Variants in NUMB observed in about 807,000 individuals in gnomAD.
NUMB encodes NUMB endocytic adaptor protein, also known as protein numb homolog.
Under a neutral mutation model 59.7 loss-of-function variants are expected in NUMB, and 29 were observed. That is an observed-to-expected ratio of 0.49 (90% CI 0.36 to 0.66). NUMB has a LOEUF of 0.66. Among genes scored for constraint, NUMB ranks in the 30% least tolerant of loss-of-function variants. The pLI is 0.00. For synonymous variants in NUMB, 288 were observed against 288.2 expected (o/e 1.00, Z 0.01); for missense variants, 723 against 822.0 (o/e 0.88, Z 1.47).
At chr14:73,387,590 A>G (rs558148233) in intron 2 of NUMB, among the ~76,000 whole-genome samples, 4 of 152,078 alleles carry the variant, frequency 2.6e-5, no homozygotes, top group Non-Finnish European at 5.9e-5. Flanking sequence ...AGGCCTCCCC[A>G]GCCATGCTAA....
At chr14:73,294,845 G>C (rs1246954998) in intron 7 of NUMB, among the ~76,000 whole-genome samples, 1 of 146,640 alleles carries the variant, frequency 6.8e-6, no homozygotes, top group African/African-American at 2.5e-5. Context: ...AGTGGCTACT[G>C]TTGCCTCAAA....
At chr14:73,372,343 T>TTATATATATATATATA (rs60502086) in intron 2 of NUMB, among the ~76,000 whole-genome samples, 3 of 100,778 alleles carry the variant, frequency 3.0e-5, no homozygotes, top group South Asian at 2.9e-4. Context: ...ATATAACCTT[T>TTATATATATATATATA]TATATATATA....
At chr14:73,423,637 T>C (rs1897452417) in intron 1 of NUMB, among the ~76,000 whole-genome samples, 1 of 147,202 alleles carries the variant, frequency 6.8e-6, no homozygotes, top group Non-Finnish European at 1.5e-5. Context: ...CAAGATTCTG[T>C]CTCAAAAAAG....
At position 73,374,918 on chromosome 14, in the gene NUMB, A is replaced by C. The variant is rs1028653671; in HGVS notation, c.-100-7937T>G. On this transcript the variant is annotated intron_variant, in intron 2 of 12. Coordinates refer to ENST00000555238, the MANE Select transcript of NUMB (RefSeq NM_001005743.2). ...GCATTTTTAGTAGCGATGATGTTTC[A>C]CCATGTTGGCCAGGCTGGTCTCGAA... 4.0e-5 allele frequency among the ~76,000 whole-genome samples: 6 copies of C among 151,792 alleles called. No individual in the cohort carries two copies. In the South Asian group the frequency reaches 1.2e-3, roughly 32 times the overall value.
chr14:73,293,684 C>T (rs746296507), intron 7 of NUMB, among the ~76,000 whole-genome samples: 8 of 152,206 alleles, frequency 5.3e-5, no homozygotes, highest in Non-Finnish European at 1.2e-4. Context: ...AGCCACCGTG[C>T]CCAGCCATTT....
intron 1 of NUMB, among the ~76,000 whole-genome samples, chr14:73,444,644 G>A (rs1883329915): frequency 2.0e-5 from 3 of 151,812 alleles, no homozygotes; most frequent in South Asian, 4.2e-4. Context: ...TAGATCACAA[G>A]GTCAAGAGAT....
chr14:73,288,283 T>C (rs1412339818), intron 8 of NUMB, among the ~76,000 whole-genome samples: 1 of 152,220 alleles, frequency 6.6e-6, no homozygotes, highest in African/African-American at 2.4e-5. Context: ...CCAGGTGCGA[T>C]GGCTCACACC....
intron 6 of NUMB, among the ~76,000 whole-genome samples, chr14:73,304,476 C>A (rs576853295): frequency 1.2e-4 from 18 of 151,952 alleles, no homozygotes; most frequent in Non-Finnish European, 2.1e-4. Context: ...CCACACCTGG[C>A]TACTTTTTTA....
chr14:73,316,395 C>T lies in NUMB; in HGVS notation c.229G>A (p.Gly77Arg), dbSNP rs1247709989. 1 of 1,613,432 alleles carries T rather than the reference C, an allele frequency of 6.2e-7. No individual in the cohort carries two copies. Among genetic ancestry groups the T allele is most frequent in the African/African-American group, 1.3e-5 (1 of 74,888 alleles). Residue 77 changes from glycine to arginine, a missense_variant, in exon 6 of 13, where the codon GGA becomes AGA. Gly to Arg is a moderately radical substitution (Grantham distance 125). This residue lies in a region of NUMB where 317 missense variants were observed against 436.6 expected (regional missense o/e 0.73). Coordinates refer to ENST00000555238, the MANE Select transcript of NUMB (RefSeq NM_001005743.2). Reference protein sequence around the residue: ...AERKFFKGFFGKTGKKAVKAV... With the variant: ...AERKFFKGFFRKTGKKAVKAV... ...GAATGTGGCATCAAACTTACTTTTC[C>T]AAAGAAGCCTTTGAAGAACTTCCTT...
intron 1 of NUMB, among the ~76,000 whole-genome samples, chr14:73,450,044 T>C (rs953709436): frequency 1.3e-4 from 20 of 152,190 alleles, no homozygotes; most frequent in African/African-American, 4.8e-4. Flanking sequence ...GCCACAATGC[T>C]TACAATAACA....
At chr14:73,445,354 CAAAAAAAAAAAAAAAAAAAAAAAAAAAA>C (rs752154048) in intron 1 of NUMB, among the ~76,000 whole-genome samples, 4 of 57,562 alleles carry the variant, frequency 6.9e-5, no homozygotes, top group African/African-American at 2.4e-4. Context: ...GACCCTGTCT[CAAAAAAAAAAAAAAAAAAAAAAAAAAAA>C]AAAAAAAAAA....
intron 1 of NUMB, among the ~76,000 whole-genome samples, chr14:73,413,186 A>C (rs1014452817): frequency 6.6e-6 from 1 of 151,362 alleles, no homozygotes; most frequent in Non-Finnish European, 1.5e-5. Context: ...CCCTGGGTTA[A>C]AGCAATTCTC....
chr14:73,346,985 A>C (rs1159123426), intron 4 of NUMB, among the ~76,000 whole-genome samples: 1 of 152,212 alleles, frequency 6.6e-6, no homozygotes, highest in African/African-American at 2.4e-5. Context: ...AGGAAATCAC[A>C]GGTGATTTAT....
intron 1 of NUMB, among the ~76,000 whole-genome samples, chr14:73,443,761 C>T (rs1251362931): frequency 1.3e-5 from 2 of 152,068 alleles, no homozygotes; most frequent in African/African-American, 4.8e-5. Flanking sequence ...AGCAATTCTC[C>T]AGCCACAGCC....
At chr14:73,357,765 A>G (rs1024616084) in intron 3 of NUMB, among the ~76,000 whole-genome samples, 1 of 152,150 alleles carries the variant, frequency 6.6e-6, no homozygotes, top group Admixed American at 6.5e-5. Flanking sequence ...TGTCTCAAAA[A>G]GAAATTAAGT....
At chr14:73,453,278 A>G (rs571148564) in intron 1 of NUMB, among the ~76,000 whole-genome samples, 103 of 150,946 alleles carry the variant, frequency 6.8e-4, no homozygotes, top group Middle Eastern at 6.9e-3. Flanking sequence ...GATTACAGGT[A>G]TGTGCCACCA....
Position 73,279,298 on chromosome 14 carries a change from A to G in NUMB, c.1223T>C (p.Ile408Thr), listed in dbSNP as rs768021769. Reference protein sequence around the residue: ...AHAPDAANKEIAATCSGTEWG... With the variant: ...AHAPDAANKETAATCSGTEWG... ...CACCTTACCCGAACATGTGGCTGCAATTTCCTTGTTAGCAGCATCAGGGGC... is the reference window on the plus strand; with the variant it reads ...CACCTTACCCGAACATGTGGCTGCAGTTTCCTTGTTAGCAGCATCAGGGGC... The change falls in exon 12 of 13, where the codon ATT becomes ACT. Residue 408 changes from isoleucine to threonine, a missense_variant. By Grantham distance (89) the Ile-to-Thr change is moderately conservative (BLOSUM62 -1). Transcript: ENST00000555238. The G allele has an allele frequency of 5.6e-6, 9 of 1,614,092 alleles. No homozygotes were observed. The East Asian group carries it at 1.1e-4, about 20-fold the overall frequency.
intron 6 of NUMB, 70 bp from the exon 7 acceptor site, chr14:73,297,355 C>A: frequency 1.1e-6 from 1 of 950,038 alleles, no homozygotes; most frequent in Non-Finnish European, 1.7e-6. Flanking sequence ...TCATCTTCCA[C>A]AGAAAACACT....
intron 8 of NUMB, among the ~76,000 whole-genome samples, chr14:73,288,919 G>T (rs1304323677): frequency 6.6e-6 from 1 of 151,992 alleles, no homozygotes; most frequent in Non-Finnish European, 1.5e-5. Context: ...TGGTGGTGGT[G>T]TGTGTCTGTG....
Sources: allele counts gnomAD v4.1 joint callset (sites outside exome capture counted in the v4.1 genomes callset), GRCh38; gene constraint gnomAD v4.1.1; regional missense constraint gnomAD v4.1.1; transcripts MANE v1.5; gene names NCBI Gene and HGNC (gene_info 2026-07-23, HGNC 2026-07-21).